Variants in PPP2R5E observed in about 807,000 individuals in gnomAD.
The protein encoded by PPP2R5E is serine/threonine-protein phosphatase 2A 56 kDa regulatory subunit epsilon isoform.
PPP2R5E carries 4 observed loss-of-function variants against 65.3 expected under a neutral mutation model. That is an observed-to-expected ratio of 0.06 (90% CI 0.03 to 0.14). The LOEUF (loss-of-function observed/expected upper bound fraction) is 0.14, where lower values mean the gene tolerates loss of function less well. PPP2R5E is among the 10% of genes least tolerant of loss of function. PPP2R5E has a pLI of 1.00. For missense variants in PPP2R5E, 274 were observed against 556.1 expected (o/e 0.49, Z 5.10); for synonymous variants, 183 against 187.4 (o/e 0.98, Z 0.19).
chr14:63,403,287 G>A (rs1885863116), intron 5 of PPP2R5E, among the ~76,000 whole-genome samples: 1 of 151,164 alleles, frequency 6.6e-6, no homozygotes, highest in Non-Finnish European at 1.5e-5. Flanking sequence ...AATTAGTCTG[G>A]CGTGGTGGCA....
intron 5 of PPP2R5E, among the ~76,000 whole-genome samples, chr14:63,411,971 C>A (rs1160777155): frequency 6.6e-6 from 1 of 152,130 alleles, no homozygotes; most frequent in African/African-American, 2.4e-5. Context: ...GTGCACTGTA[C>A]CCAATAGGTA....
intron 2 of PPP2R5E, among the ~76,000 whole-genome samples, chr14:63,537,236 T>TA (rs11435884): frequency 0.28 from 41,833 of 149,222 alleles, 6,445 homozygotes; most frequent in African/African-American, 0.43. Context: ...CTTCTAATTC[T>TA]AAAAAAAAAA....
At chr14:63,477,966 A>C (rs990395394) in intron 2 of PPP2R5E, among the ~76,000 whole-genome samples, 2 of 152,190 alleles carry the variant, frequency 1.3e-5, no homozygotes, top group African/African-American at 2.4e-5. Context: ...AAACATGGAC[A>C]AACAATTCAG....
chr14:63,471,117 A>C (rs1194166440), intron 2 of PPP2R5E, among the ~76,000 whole-genome samples: 1 of 152,236 alleles, frequency 6.6e-6, no homozygotes, highest in Non-Finnish European at 1.5e-5. Flanking sequence ...TAAATCTGCA[A>C]AAACACGCAC....
At chr14:63,534,537 T>A (rs1027619328) in intron 2 of PPP2R5E, among the ~76,000 whole-genome samples, 2 of 152,226 alleles carry the variant, frequency 1.3e-5, no homozygotes, top group Non-Finnish European at 2.9e-5. Flanking sequence ...AAGATTTTAC[T>A]TTCTTATCAA....
intron 2 of PPP2R5E, among the ~76,000 whole-genome samples, chr14:63,462,102 GC>G (rs1889510494): frequency 6.7e-6 from 1 of 148,610 alleles, no homozygotes; most frequent in South Asian, 2.1e-4. Context: ...ACGGAGTCTC[GC>G]TCTGTTGCCC....
chr14:63,389,543 C>T lies in PPP2R5E; in HGVS notation c.1074+69G>A. On this transcript the variant is annotated intron_variant, in intron 11 of 13. Coordinates refer to ENST00000337537, the MANE Select transcript of PPP2R5E (RefSeq NM_006246.5). ...TAGGTAGCTAGGGTCCATTACATTG[C>T]TTTTGAAACAAATAAAATTTAACCA... 4 of 1,494,732 alleles carry T rather than the reference C, an allele frequency of 2.7e-6. No homozygotes were observed. In the South Asian group the frequency reaches 4.1e-5, roughly 15 times the overall value. The allele number at this position is 1,494,732 out of a possible 1,614,324, so 92.6% of individuals were successfully genotyped here.
chr14:63,536,025 A>G (rs1043271457), intron 2 of PPP2R5E, among the ~76,000 whole-genome samples: 2 of 152,204 alleles, frequency 1.3e-5, no homozygotes, highest in Admixed American at 6.5e-5. Flanking sequence ...ATGGATTTCT[A>G]ATTTATAGAA....
At chr14:63,455,831 C>G (rs1039321884) in intron 2 of PPP2R5E, among the ~76,000 whole-genome samples, 1 of 144,266 alleles carries the variant, frequency 6.9e-6, no homozygotes, top group East Asian at 2.0e-4. Context: ...CAAGAAAAAG[C>G]TTTTTTTTTT....
At chr14:63,440,608 A>G (rs1888176367) in intron 3 of PPP2R5E, among the ~76,000 whole-genome samples, 1 of 152,024 alleles carries the variant, frequency 6.6e-6, no homozygotes, top group African/African-American at 2.4e-5. Context: ...ATTGGAAAGA[A>G]TAATTCCAGG....
rs1332900114 is a variant in PPP2R5E at position 63,446,746 on chromosome 14, G to A, written c.354+6943C>T. Among the ~76,000 whole-genome samples the A allele has an allele frequency of 6.0e-5, 9 of 150,938 alleles. No individual in the cohort carries two copies. The South Asian group carries it at 6.3e-4, about 11-fold the overall frequency. On this transcript the variant is annotated intron_variant, in intron 3 of 13. Coordinates refer to ENST00000337537, the MANE Select transcript of PPP2R5E (RefSeq NM_006246.5). ...CGGGAGGCTGAGGCAGAAGAATGGC[G>A]TGAACCCAGGAGGCAGAGCTTGCAG... is the stretch of plus-strand genomic sequence containing the variant.
intron 2 of PPP2R5E, among the ~76,000 whole-genome samples, chr14:63,474,105 T>C (rs542930176): frequency 3.4e-4 from 52 of 152,314 alleles, no homozygotes; most frequent in East Asian, 3.3e-3. Flanking sequence ...TACAGCTACA[T>C]AGGAGGCAAC....
intron 3 of PPP2R5E, among the ~76,000 whole-genome samples, chr14:63,437,235 C>A (rs767911849): frequency 6.6e-6 from 1 of 152,180 alleles, no homozygotes; most frequent in Non-Finnish European, 1.5e-5. Context: ...TCCCAGAAAA[C>A]TCATGAATAA....
intron 5 of PPP2R5E, among the ~76,000 whole-genome samples, chr14:63,400,611 G>A (rs1885692686): frequency 6.7e-6 from 1 of 150,166 alleles, no homozygotes; most frequent in Non-Finnish European, 1.5e-5. Context: ...CAATTTTGGA[G>A]CCCATCAGGG....
intron 2 of PPP2R5E, among the ~76,000 whole-genome samples, chr14:63,511,609 C>T (rs1892455101): frequency 6.6e-6 from 1 of 152,138 alleles, no homozygotes; most frequent in Non-Finnish European, 1.5e-5. Context: ...GAATGCAAGC[C>T]ACCTAACAGC....
At chr14:63,447,597 T>G (rs146948568) in intron 3 of PPP2R5E, among the ~76,000 whole-genome samples, 56 of 152,330 alleles carry the variant, frequency 3.7e-4, no homozygotes, top group African/African-American at 1.3e-3. Flanking sequence ...AGCAATAAGG[T>G]TGTTTTACTT....
intron 2 of PPP2R5E, among the ~76,000 whole-genome samples, chr14:63,456,507 ATTTATTGGGCAC>A (rs1466264955): frequency 2.6e-5 from 4 of 152,254 alleles, no homozygotes; most frequent in Non-Finnish European, 5.9e-5. Flanking sequence ...TATTGGGTAC[ATTTATTGGGCAC>A]TTTATCTAAG....
rs74880870 is a variant in PPP2R5E, at chr14:63,507,231, A to G, written c.157+32298T>C. Among the ~76,000 whole-genome samples the G allele has an allele frequency of 5.0e-3, 769 of 152,318 alleles. 21 individuals are homozygous for G. The East Asian group carries it at 0.085, about 17-fold the overall frequency. On this transcript the variant is annotated intron_variant, in intron 2 of 13. Transcript: ENST00000337537. Reference sequence around the variant, plus strand: ...AAAACTCACAAGTTGCCTTACAGAAAGGATATGGGGCCTTAAAGGCCTAGA... The same window carrying G: ...AAAACTCACAAGTTGCCTTACAGAAGGGATATGGGGCCTTAAAGGCCTAGA...
intron 3 of PPP2R5E, chr14:63,451,968 T>G (rs1484362572): frequency 6.6e-6 from 1 of 152,198 alleles, no homozygotes; most frequent in Non-Finnish European, 1.5e-5. Flanking sequence ...AGGATATTCA[T>G]AGAGTACTGC....
Sources: allele counts gnomAD v4.1 joint callset (sites outside exome capture counted in the v4.1 genomes callset), GRCh38; gene constraint gnomAD v4.1.1; transcripts MANE v1.5; gene names NCBI Gene and HGNC (gene_info 2026-07-23, HGNC 2026-07-21).